Variants in CYRIB observed in about 807,000 individuals in gnomAD.
The protein encoded by CYRIB is CYFIP related Rac1 interactor B, also known as CYFIP-related Rac1 interactor B.
Under a neutral mutation model 44.2 loss-of-function variants are expected in CYRIB, and 8 were observed. That is an observed-to-expected ratio of 0.18 (90% CI 0.11 to 0.33). The LOEUF (loss-of-function observed/expected upper bound fraction) is 0.33, where lower values mean the gene tolerates loss of function less well. Ranked by LOEUF, CYRIB falls within the 10% of genes least tolerant of loss-of-function variation. The probability of loss-of-function intolerance (pLI) is 1.00; values close to 1 mark genes in which losing one functional copy is unlikely to be tolerated. For missense variants in CYRIB, 185 were observed against 382.8 expected (o/e 0.48, Z 4.31); for synonymous variants, 131 against 127.2 (o/e 1.03, Z -0.20).
At chr8:130,002,644 C>T (rs2096933878) in intron 1 of CYRIB, among the ~76,000 whole-genome samples, 1 of 152,236 alleles carries the variant, frequency 6.6e-6, no homozygotes, top group Non-Finnish European at 1.5e-5. Context: ...AGTCTTGTTT[C>T]CTATAAATGA....
chr8:129,957,753 C>T lies in CYRIB; in HGVS notation c.-243+13190G>A, dbSNP rs564740489. ...GGCCGAAGCAGGTGGATCATGAGGT[C>T]AGGAGATCAAGACCATCCTGGCTAA... On this transcript the variant is annotated intron_variant, in intron 2 of 14. Coordinates refer to the CYRIB transcript ENST00000401979. Among the ~76,000 whole-genome samples the T allele has an allele frequency of 3.1e-3, 474 of 152,088 alleles. 1 individual carries two copies. The highest frequency in any genetic ancestry group is 5.0e-3 in the South Asian group (24 of 4,818).
chr8:129,847,631 T>A (rs1258940512), intron 10 of CYRIB, among the ~76,000 whole-genome samples: 1 of 152,172 alleles, frequency 6.6e-6, no homozygotes, highest in South Asian at 2.1e-4. Context: ...CAGGATGAGT[T>A]ATACGAAGTG....
At chr8:129,910,491 T>C (rs1298750747) in intron 1 of CYRIB, among the ~76,000 whole-genome samples, 1 of 149,580 alleles carries the variant, frequency 6.7e-6, no homozygotes, top group African/African-American at 2.5e-5. Flanking sequence ...TTTTTTTTTT[T>C]TTTTTTTTTT....
At chr8:129,919,770 T>A (rs1184517507) in intron 1 of CYRIB, among the ~76,000 whole-genome samples, 1 of 152,188 alleles carries the variant, frequency 6.6e-6, no homozygotes, top group Non-Finnish European at 1.5e-5. Context: ...TCTTCTCCTA[T>A]ACAAAGCATT....
upstream of CYRIB, among the ~76,000 whole-genome samples, chr8:129,944,365 C>A (rs1465809223): frequency 6.6e-6 from 1 of 152,186 alleles, no homozygotes; most frequent in African/African-American, 2.4e-5. Flanking sequence ...GAAGAGGAGA[C>A]TGGGGTTGTC....
intron 1 of CYRIB, among the ~76,000 whole-genome samples, chr8:129,983,920 AG>A (rs2096353335): frequency 6.6e-6 from 1 of 152,248 alleles, no homozygotes; most frequent in Non-Finnish European, 1.5e-5. Flanking sequence ...TCCCATTGGC[AG>A]GAACCGGCAG....
At chr8:129,890,434 C>G (rs2064812891) in intron 2 of CYRIB, 1 of 152,198 alleles carries the variant, frequency 6.6e-6, no homozygotes, top group African/African-American at 2.4e-5. Flanking sequence ...TAAGTGTCAG[C>G]ATTTTTATCA....
intron 3 of CYRIB, among the ~76,000 whole-genome samples, chr8:129,873,908 G>A (rs2058245608): frequency 2.0e-5 from 3 of 151,992 alleles, no homozygotes; most frequent in Non-Finnish European, 4.4e-5. Context: ...GACTGTCACA[G>A]GAAAGTCACA....
exon 6 of CYRIB, chr8:129,855,613 TGAG>T: frequency 6.2e-7 from 1 of 1,614,048 alleles, no homozygotes; most frequent in Non-Finnish European, 8.5e-7. Flanking sequence ...AATTCTACCT[TGAG>T]TTCATCAAAC....
chr8:129,867,099 G>A (rs542859362), intron 4 of CYRIB, among the ~76,000 whole-genome samples: 5 of 152,182 alleles, frequency 3.3e-5, no homozygotes, highest in East Asian at 1.9e-4. Context: ...GACCAGTCTC[G>A]GCAACACAGC....
intron 2 of CYRIB, among the ~76,000 whole-genome samples, chr8:129,889,648 C>T (rs2064265304): frequency 3.3e-5 from 5 of 152,058 alleles, no homozygotes; most frequent in Admixed American, 3.3e-4. Context: ...GGAGAAATGG[C>T]AGATGTGGTG....
chr8:130,007,711 GA>G, intron 1 of CYRIB, among the ~76,000 whole-genome samples: 1 of 152,256 alleles, frequency 6.6e-6, no homozygotes, highest in Non-Finnish European at 1.5e-5. Flanking sequence ...TTGAACCTGG[GA>G]GACGGAGGTT....
intron 1 of CYRIB, among the ~76,000 whole-genome samples, chr8:129,910,067 G>C (rs2077193868): frequency 6.6e-6 from 1 of 152,216 alleles, no homozygotes; most frequent in Admixed American, 6.5e-5. Context: ...TGCATGGACA[G>C]AGTGTCCTCA....
intron 2 of CYRIB, among the ~76,000 whole-genome samples, chr8:129,893,655 CA>C (rs2066467089): frequency 6.6e-6 from 1 of 152,106 alleles, no homozygotes; most frequent in South Asian, 2.1e-4. Flanking sequence ...CTCTTTCAAT[CA>C]ACTTTCCTCC....
intron 2 of CYRIB, among the ~76,000 whole-genome samples, chr8:129,960,649 G>GAAA (rs746019281): frequency 3.4e-5 from 1 of 29,040 alleles, no homozygotes; most frequent in Non-Finnish European, 6.9e-5. Flanking sequence ...TCTGTCTCAA[G>GAAA]AAAAAAAAAA....
intron 1 of CYRIB, among the ~76,000 whole-genome samples, chr8:129,989,788 T>TC (rs2096579482): frequency 1.1e-5 from 1 of 94,846 alleles, no homozygotes; most frequent in Non-Finnish European, 2.1e-5. Flanking sequence ...ATGCTATCCC[T>TC]CCCCCCTCCC....
intron 1 of CYRIB, among the ~76,000 whole-genome samples, chr8:129,931,995 TTC>T (rs1326568996): frequency 2.2e-4 from 33 of 150,812 alleles, no homozygotes; most frequent in African/African-American, 7.8e-4. Flanking sequence ...CATAAGTATC[TTC>T]TTTTTTTTTT....
chr8:129,929,649 T>C (rs2090076320), intron 1 of CYRIB, among the ~76,000 whole-genome samples: 2 of 152,154 alleles, frequency 1.3e-5, no homozygotes, highest in Admixed American at 6.5e-5. Flanking sequence ...ACATTTTAAA[T>C]GAAAACATAA....
At chr8:129,864,659 T>G (rs1214885676) in intron 4 of CYRIB, 1 of 241,578 alleles carries the variant, frequency 4.1e-6, no homozygotes, top group East Asian at 1.2e-4. Context: ...TTGTGTGTAC[T>G]GTGGCGGCTG....
Sources: allele counts gnomAD v4.1 joint callset (sites outside exome capture counted in the v4.1 genomes callset), GRCh38; gene constraint gnomAD v4.1.1; transcripts MANE v1.5; gene names NCBI Gene and HGNC (gene_info 2026-07-23, HGNC 2026-07-21).